The following RGMB variants were observed in gnomAD, a reference collection of about 807,000 sequenced individuals.
The protein encoded by RGMB is repulsive guidance molecule B.
RGMB carries 16 observed loss-of-function variants against 26.9 expected under a neutral mutation model. The observed-to-expected ratio is 0.60, with a 90% CI of 0.40 to 0.90. RGMB has a LOEUF of 0.90. RGMB is among the 40% of genes least tolerant of loss of function. The pLI, the probability that RGMB is intolerant of heterozygous loss-of-function variation, is 0.00. For missense variants in RGMB, 512 were observed against 573.3 expected, an observed-to-expected ratio of 0.89 and a Z score of 1.09; for synonymous variants, 225 against 229.3, an observed-to-expected ratio of 0.98 and a Z score of 0.17.
rs1161322606 is a variant in RGMB at position 98,795,971 on chromosome 5, A to G, written c.*2218A>G. 6.6e-6 allele frequency: 1 copy of G among 152,166 alleles called. No homozygotes were observed. Among genetic ancestry groups the G allele is most frequent in the Non-Finnish European group, 1.5e-5 (1 of 68,014 alleles). 9.4% of individuals were successfully genotyped at this position (152,166 alleles called of 1,614,324 possible). A position where few individuals can be genotyped will look rare whatever the true frequency, so the allele number is the denominator to read the frequency against. On this transcript the variant is annotated 3_prime_UTR_variant, in exon 3 of 3. Transcript: ENST00000513185. ...TTGCCATATCATTTAGCTGGAAGTG[A>G]CATTTAAAAGCACCCTGCATCACTA...
chr5:98,770,762 C>T, upstream of RGMB: 2 of 768,550 alleles, frequency 2.6e-6, no homozygotes, highest in Non-Finnish European at 3.8e-6. Context: ...CCTTTCCTTA[C>T]TGTTCTAACG....
chr5:98,770,081 C>T (rs1200578295), upstream of RGMB: 1 of 152,506 alleles, frequency 6.6e-6, no homozygotes, highest in African/African-American at 2.4e-5. Context: ...GTTCTGGCGT[C>T]TTCTGGAGTG....
intron 1 of RGMB, among the ~76,000 whole-genome samples, chr5:98,777,868 C>T (rs960770619): frequency 6.6e-6 from 1 of 151,958 alleles, no homozygotes; most frequent in Non-Finnish European, 1.5e-5. Context: ...TCCATAGCTC[C>T]AACATATTAA....
chr5:98,781,693 A>G (rs1256736088), intron 2 of RGMB, among the ~76,000 whole-genome samples: 2 of 152,232 alleles, frequency 1.3e-5, no homozygotes, highest in Non-Finnish European at 2.9e-5. Context: ...CAGAGCTTGT[A>G]AATGGGGAAA....
At chr5:98,776,841 C>T (rs909850439) in intron 1 of RGMB, among the ~76,000 whole-genome samples, 3 of 152,220 alleles carry the variant, frequency 2.0e-5, no homozygotes, top group African/African-American at 7.2e-5. Context: ...AATCCCAGCA[C>T]TTTGGGAGAC....
In RGMB at chr5:98,774,285, C is replaced by A. The variant is rs1746308436; in HGVS notation, c.136+79C>A. On this transcript the variant is annotated intron_variant, in intron 1 of 2. Transcript: ENST00000513185. Reference sequence around the variant, plus strand: ...CAAATAGCCCCAGGTCTCGAAGGCGCTCGCCGGGGCGGAAGGGCGGCGTGG... The same window carrying A: ...CAAATAGCCCCAGGTCTCGAAGGCGATCGCCGGGGCGGAAGGGCGGCGTGG... 3 of 1,297,202 alleles carry A rather than the reference C, an allele frequency of 2.3e-6. No homozygotes were observed. In the African/African-American group the frequency reaches 4.7e-5, roughly 20 times the overall value. The allele number at this position is 1,297,202 out of a possible 1,614,324, so 80.4% of individuals were successfully genotyped here. A position where few individuals can be genotyped will look rare whatever the true frequency, so the allele number is the denominator to read the frequency against.
intron 1 of RGMB, among the ~76,000 whole-genome samples, chr5:98,776,013 TATC>T (rs1330467313): frequency 2.0e-5 from 3 of 152,240 alleles, no homozygotes; most frequent in African/African-American, 7.2e-5. Flanking sequence ...CCTGGATCCT[TATC>T]ATCTGCCTCA....
chr5:98,772,437 G>C (rs1403714703), upstream of RGMB, among the ~76,000 whole-genome samples: 1 of 152,228 alleles, frequency 6.6e-6, no homozygotes, highest in African/African-American at 2.4e-5. Context: ...GTCCGTGGTT[G>C]ATAAGAAATT....
Position 98,774,217 on chromosome 5 carries a change from A to AGC in RGMB, c.136+17_136+18dup. 7.0e-7 allele frequency: 1 copy of AGC among 1,423,800 alleles called. No homozygotes were observed. The highest frequency in any genetic ancestry group is 9.1e-7 in the Non-Finnish European group (1 of 1,096,158). The allele number at this position is 1,423,800 out of a possible 1,614,324, so 88.2% of individuals were successfully genotyped here. On this transcript the variant is annotated intron_variant, in intron 1 of 2. Coordinates refer to ENST00000513185, the MANE Select transcript of RGMB (RefSeq NM_001366508.1). The stretch of plus-strand genomic sequence containing the variant: ...GGCTGCTCCACGCAGGTAGGACGGG[A>AGC]GCGCGCGAGGGGAGCCAGCCCCGGG...
intron 2 of RGMB, among the ~76,000 whole-genome samples, chr5:98,792,610 A>G (rs1456589421): frequency 8.2e-6 from 1 of 122,602 alleles, no homozygotes; most frequent in Non-Finnish European, 1.6e-5. Context: ...CCTCACTTCA[A>G]AGTTTTTTAA....
In RGMB at chr5:98,779,840, G is replaced by A. The variant is rs537117972; in HGVS notation, c.397G>A (p.Glu133Lys). 339 of 1,613,874 alleles carry A rather than the reference G, an allele frequency of 2.1e-4. No individual in the cohort carries two copies. The highest frequency in any genetic ancestry group is 2.6e-4 in the Non-Finnish European group (312 of 1,179,894). Residue 133 changes from glutamate (E) to lysine (K), a missense_variant, in exon 2 of 3, where the codon GAA (glutamate) becomes AAA (lysine). Coordinates refer to ENST00000513185, the MANE Select transcript of RGMB (RefSeq NM_001366508.1). ...TGGACCCACATCCTCTACCAACCCC[G>A]AAGTGACCCATGATCCTTGCAACTA... is the stretch of plus-strand genomic sequence containing the variant. ...KDGPTSSTNPEVTHDPCNYHS... is the reference protein window; with the variant it reads ...KDGPTSSTNPKVTHDPCNYHS...
upstream of RGMB, chr5:98,773,240 TA>T (rs887509199): frequency 3.4e-5 from 5 of 148,546 alleles, no homozygotes; most frequent in African/African-American, 7.4e-5. Context: ...GTAATTAAAT[TA>T]AAAAAAAAAC....
At chr5:98,787,729 A>T (rs1281243629) in intron 2 of RGMB, among the ~76,000 whole-genome samples, 7 of 152,148 alleles carry the variant, frequency 4.6e-5, no homozygotes, top group Admixed American at 2.0e-4. Flanking sequence ...CCCTAATACA[A>T]GGAAGTTGGC....
At chr5:98,782,819 A>G (rs958775658) in intron 2 of RGMB, among the ~76,000 whole-genome samples, 1 of 152,164 alleles carries the variant, frequency 6.6e-6, no homozygotes, top group Non-Finnish European at 1.5e-5. Context: ...TTCAAGCCCA[A>G]CTTTGTGAGC....
At chr5:98,769,111 G>A (rs1746065680), upstream of RGMB, among the ~76,000 whole-genome samples, 1 of 152,196 alleles carries the variant, frequency 6.6e-6, no homozygotes, top group African/African-American at 2.4e-5. Flanking sequence ...GTGCAAGATT[G>A]AGTGTGGTGG....
intron 2 of RGMB, 33 bp from the exon 3 acceptor site, chr5:98,793,052 T>C (rs1746982905): frequency 1.3e-6 from 2 of 1,530,458 alleles, no homozygotes; most frequent in African/African-American, 2.7e-5. Flanking sequence ...TCCTTCCCAT[T>C]CTGTTAAACC....
chr5:98,786,228 A>G (rs1479513354), intron 2 of RGMB, among the ~76,000 whole-genome samples: 1 of 152,186 alleles, frequency 6.6e-6, no homozygotes, highest in Non-Finnish European at 1.5e-5. Context: ...GGAAGGAGGA[A>G]GAGACCTTCA....
chr5:98,770,781 TAA>T (rs1410514437), upstream of RGMB: 4 of 647,502 alleles, frequency 6.2e-6, no homozygotes, highest in African/African-American at 7.6e-5. Flanking sequence ...CGCTTTTTAA[TAA>T]ACTTTCACTC....
At position 98,795,163 on chromosome 5, in the gene RGMB, A is replaced by C. The variant is rs1747076294; in HGVS notation, c.*1410A>C. 2 of 152,258 alleles carry C rather than the reference A, an allele frequency of 1.3e-5. No homozygotes were observed. The highest frequency in any genetic ancestry group is 1.3e-4 in the Admixed American group (2 of 15,286). The allele number at this position is 152,258 out of a possible 1,614,324, so 9.4% of individuals were successfully genotyped here. On this transcript the variant is annotated 3_prime_UTR_variant, in exon 3 of 3. Transcript: ENST00000513185. ...AAGAACAGCAAAAGTCAGGAGCAGT[A>C]ATCTGAGAAAGTTAACTCCAGGATA... is the stretch of plus-strand genomic sequence containing the variant.
Sources: allele counts gnomAD v4.1 joint callset (sites outside exome capture counted in the v4.1 genomes callset), GRCh38; gene constraint gnomAD v4.1.1; transcripts MANE v1.5; gene names NCBI Gene and HGNC (gene_info 2026-07-23, HGNC 2026-07-21).